The following NAA16 variants were observed in gnomAD, a reference collection of about 807,000 sequenced individuals.
NAA16 encodes N-alpha-acetyltransferase 16, NatA auxiliary subunit.
Under a neutral mutation model 110.3 loss-of-function variants are expected in NAA16, and 97 were observed. The ratio of observed to expected loss-of-function variants is 0.88; its 90% CI spans 0.75 to 1.04. NAA16 has a LOEUF of 1.04. Ranked by LOEUF, NAA16 falls within the 50% of genes least tolerant of loss-of-function variation. NAA16 has a pLI of 0.00. For missense variants in NAA16, 1,017 were observed against 1,005.1 expected, an observed-to-expected ratio of 1.01 and a Z score of -0.16; for synonymous variants, 372 against 330.6, an observed-to-expected ratio of 1.13 and a Z score of -1.36.
intron 6 of NAA16, among the ~76,000 whole-genome samples, chr13:41,326,910 T>A (rs1238397647): frequency 6.6e-6 from 1 of 152,120 alleles, no homozygotes; most frequent in African/African-American, 2.4e-5. Flanking sequence ...CTAAACATCC[T>A]TTGTTTCACC....
At chr13:41,337,881 G>A (rs1247809650) in intron 9 of NAA16, among the ~76,000 whole-genome samples, 2 of 151,862 alleles carry the variant, frequency 1.3e-5, no homozygotes, top group Non-Finnish European at 2.9e-5. Context: ...TCCTACCTGT[G>A]GCAGCAGGTT....
chr13:41,348,868 T>A (rs1566278248), intron 9 of NAA16, among the ~76,000 whole-genome samples: 1 of 152,224 alleles, frequency 6.6e-6, no homozygotes. Flanking sequence ...CTTGACTGGC[T>A]TTTGGAAATT....
chr13:41,358,250 A>C, intron 10 of NAA16, 54 bp from the exon 11 acceptor site: 1 of 1,447,774 alleles, frequency 6.9e-7, no homozygotes, highest in South Asian at 1.2e-5. Flanking sequence ...GAGAGAAAAT[A>C]TGTGATTTGC....
chr13:41,349,889 A>T (rs921245290), intron 9 of NAA16, among the ~76,000 whole-genome samples: 1 of 149,218 alleles, frequency 6.7e-6, no homozygotes, highest in Non-Finnish European at 1.5e-5. Flanking sequence ...TGAACCCGGG[A>T]GGGGGCAGTT....
chr13:41,359,055 G>T, intron 12 of NAA16, 93 bp downstream of exon 12: 2 of 1,090,844 alleles, frequency 1.8e-6, no homozygotes, highest in Non-Finnish European at 1.3e-6. Context: ...GAACTTCAGT[G>T]GAAGTTCATA....
intron 8 of NAA16, among the ~76,000 whole-genome samples, chr13:41,336,359 A>G (rs1203424674): frequency 6.6e-6 from 1 of 152,164 alleles, no homozygotes; most frequent in Non-Finnish European, 1.5e-5. Flanking sequence ...TCTTTTGGCT[A>G]TCACTTGAAT....
At chr13:41,333,988 A>G (rs2042310498) in intron 8 of NAA16, among the ~76,000 whole-genome samples, 1 of 152,150 alleles carries the variant, frequency 6.6e-6, no homozygotes, top group South Asian at 2.1e-4. Flanking sequence ...TTTCAAGGTC[A>G]TCATCGCTTT....
Position 41,373,816 on chromosome 13 carries a change from G to GA in NAA16, c.2299+41dup, listed in dbSNP as rs774345458. 8 of 1,550,104 alleles carry GA rather than the reference G, an allele frequency of 5.2e-6. No individual in the cohort carries two copies. In the East Asian group the frequency reaches 1.1e-4, roughly 22 times the overall value. On this transcript the variant is annotated intron_variant, in intron 18 of 19. Transcript: ENST00000379406. Reference sequence around the variant, plus strand: ...AGCCCCCAGGGTTAAAATACTTATGGAAAAAGCGAACAAAGAGAAAGCTTT... The same window carrying GA: ...AGCCCCCAGGGTTAAAATACTTATGGAAAAAAGCGAACAAAGAGAAAGCTTT...
At chr13:41,350,219 C>T (rs1425895912) in intron 9 of NAA16, among the ~76,000 whole-genome samples, 1 of 151,828 alleles carries the variant, frequency 6.6e-6, no homozygotes, top group Non-Finnish European at 1.5e-5. Flanking sequence ...ACTTAGACTG[C>T]ATCACTGCAC....
intron 13 of NAA16, among the ~76,000 whole-genome samples, chr13:41,365,833 T>C (rs1466196994): frequency 6.6e-6 from 1 of 152,202 alleles, no homozygotes; most frequent in Admixed American, 6.5e-5. Context: ...AAAATCTCTG[T>C]CTATTAATGC....
At chr13:41,373,892 G>T in intron 18 of NAA16, 112 bp downstream of exon 18, 9 of 1,387,608 alleles carry the variant, frequency 6.5e-6, no homozygotes, top group Middle Eastern at 3.9e-4. Flanking sequence ...TAAGTATGGG[G>T]AGAGAAATGT....
intron 7 of NAA16, 82 bp downstream of exon 7, chr13:41,328,925 C>G (rs1338533952): frequency 1.4e-5 from 18 of 1,246,576 alleles, no homozygotes; most frequent in Non-Finnish European, 1.4e-5. Flanking sequence ...TACTTGGGAA[C>G]AAATAATTTT....
chr13:41,371,956 T>C (rs1025196789), intron 15 of NAA16, among the ~76,000 whole-genome samples: 2 of 152,244 alleles, frequency 1.3e-5, no homozygotes, highest in Admixed American at 6.5e-5. Flanking sequence ...AATAACTTTA[T>C]GTATTTTTTT....
chr13:41,350,566 G>A (rs190459037), intron 9 of NAA16, among the ~76,000 whole-genome samples: 2 of 150,522 alleles, frequency 1.3e-5, no homozygotes, highest in East Asian at 3.9e-4. Context: ...AAAGTGCTGG[G>A]ATTACAGGCT....
intron 18 of NAA16, among the ~76,000 whole-genome samples, chr13:41,374,305 C>T (rs1184692864): frequency 1.6e-4 from 25 of 152,082 alleles, no homozygotes; most frequent in Non-Finnish European, 1.3e-4. Flanking sequence ...CCCCTACTCT[C>T]CTCCTCTGTG....
chr13:41,325,999 C>A, intron 6 of NAA16, 148 bp downstream of exon 6: 1 of 556,338 alleles, frequency 1.8e-6, no homozygotes, highest in Non-Finnish European at 3.0e-6. Flanking sequence ...TAGTTTAATC[C>A]TCATAACAAC....
intron 9 of NAA16, among the ~76,000 whole-genome samples, chr13:41,345,595 T>G (rs1375594720): frequency 2.0e-5 from 3 of 152,140 alleles, no homozygotes; most frequent in Non-Finnish European, 4.4e-5. Flanking sequence ...GTTGTTTGTG[T>G]TTTTGAGGCA....
At chr13:41,362,691 G>T in intron 13 of NAA16, 1 of 1,289,170 alleles carries the variant, frequency 7.8e-7, no homozygotes, top group Non-Finnish European at 1.0e-6. Context: ...CTTTTCCTTT[G>T]TGTGAATTTT....
intron 1 of NAA16, among the ~76,000 whole-genome samples, chr13:41,315,849 A>G (rs1386883643): frequency 6.6e-6 from 1 of 151,988 alleles, no homozygotes. Context: ...GCCTTACTGC[A>G]GCCTCAGCCT....
Sources: allele counts gnomAD v4.1 joint callset (sites outside exome capture counted in the v4.1 genomes callset), GRCh38; gene constraint gnomAD v4.1.1; transcripts MANE v1.5; gene names NCBI Gene and HGNC (gene_info 2026-07-23, HGNC 2026-07-21).